MACF1: variants seen among roughly 807,000 people sequenced by gnomAD.
The protein encoded by MACF1 is microtubule actin crosslinking factor 1.
In MACF1, 193 loss-of-function variants were observed where a neutral mutation model predicts 854.8. The observed-to-expected ratio is 0.23, with a 90% CI of 0.20 to 0.25. MACF1 has a LOEUF of 0.25. Ranked by LOEUF, MACF1 falls within the 10% of genes least tolerant of loss-of-function variation. The probability of loss-of-function intolerance (pLI) is 1.00; values close to 1 mark genes in which losing one functional copy is unlikely to be tolerated. For missense variants in MACF1, 7,722 were observed against 8,929.1 expected, an observed-to-expected ratio of 0.86 and a Z score of 5.45; for synonymous variants, 3,185 against 3,226.7, an observed-to-expected ratio of 0.99 and a Z score of 0.44.
chr1:39,187,945 T>G, intron 2 of MACF1, among the ~76,000 whole-genome samples: 1 of 119,224 alleles, frequency 8.4e-6, no homozygotes, highest in South Asian at 3.7e-4. Flanking sequence ...TCCCTTCCCT[T>G]CCCTTCCCTT....
At chr1:39,228,508 A>G (rs1471123746) in intron 1 of MACF1, among the ~76,000 whole-genome samples, 1 of 152,198 alleles carries the variant, frequency 6.6e-6, no homozygotes, top group African/African-American at 2.4e-5. Context: ...GGAAAGGTTG[A>G]TGAAGATGTT....
chr1:39,448,036 C>T lies in MACF1; in HGVS notation c.19972C>T (p.His6658Tyr). 6.2e-7 allele frequency: 1 copy of T among 1,613,892 alleles called. No homozygotes were observed. The change falls in exon 83 of 101, where the codon CAT becomes TAT. Residue 6658 changes from histidine (H) to tyrosine (Y), a missense_variant. By Grantham distance (83) the His-to-Tyr change is moderately conservative (BLOSUM62 2). This residue lies in a region of MACF1 where 729 missense variants were observed against 900.5 expected (regional missense o/e 0.81). Coordinates refer to ENST00000564288, the MANE Select transcript of MACF1 (RefSeq NM_001394062.1). ...DDARKRAKQF[H>Y]EAWKKLIDWL... ...CTTATTTCTTATGTAATTTTAGTTC[C>T]ATGAAGCTTGGAAAAAACTGATTGA...
Position 39,448,242 on chromosome 1 carries a change from GAA to G in MACF1, c.20088+93_20088+94del, listed in dbSNP as rs1644266864. The G allele has an allele frequency of 2.1e-6, 3 of 1,419,774 alleles. No homozygotes were observed. In the South Asian group the frequency reaches 4.2e-5, roughly 20 times the overall value. 87.9% of individuals were successfully genotyped at this position (1,419,774 alleles called of 1,614,324 possible). On this transcript the variant is annotated intron_variant, in intron 83 of 100. Coordinates refer to ENST00000564288, the MANE Select transcript of MACF1 (RefSeq NM_001394062.1). ...AAATAAAAATCAGAGCTAGTAAAAA[GAA>G]AACCAATTGGTTAATGTTTAAAAGT...
intron 40 of MACF1, among the ~76,000 whole-genome samples, chr1:39,342,511 GTTAT>G (rs1646956049): frequency 6.7e-6 from 1 of 149,776 alleles, no homozygotes; most frequent in African/African-American, 2.5e-5. Context: ...TTTTTGATTG[GTTAT>G]TTACAGCATG....
Position 39,340,551 on chromosome 1 carries a change from T to C in MACF1, c.10265T>C (p.Leu3422Pro). 1 of 1,614,066 alleles carries C rather than the reference T, an allele frequency of 6.2e-7. No individual in the cohort carries two copies. Among genetic ancestry groups the C allele is most frequent in the Non-Finnish European group, 8.5e-7 (1 of 1,180,010 alleles). ...KDLTTLVSQELECVNQIIISQ... is the reference protein window; with the variant it reads ...KDLTTLVSQEPECVNQIIISQ... ...CTGACCACCTTGGTCAGTCAGGAGC[T>C]GGAGTGTGTGAATCAGATTATCATC... Residue 3422 changes from leucine (L) to proline (P), a missense_variant, in exon 39 of 101, where the codon CTG becomes CCG. Physicochemically the swap from Leu to Pro is moderately conservative, Grantham distance 98. This residue lies in a region of MACF1 where 854 missense variants were observed against 852.6 expected (regional missense o/e 1.00). Transcript: ENST00000564288.
At chr1:39,207,210 A>G (rs1489733920) in intron 1 of MACF1, among the ~76,000 whole-genome samples, 2 of 150,530 alleles carry the variant, frequency 1.3e-5, no homozygotes, top group Non-Finnish European at 3.0e-5. Flanking sequence ...CTTTTGTCTC[A>G]CTTTTCTATT....
At chr1:39,459,354 T>C in intron 91 of MACF1, 105 bp downstream of exon 91, 1 of 1,245,850 alleles carries the variant, frequency 8.0e-7, no homozygotes, top group Non-Finnish European at 1.1e-6. Flanking sequence ...TTAATTTACT[T>C]TTTCACAATA....
At chr1:39,183,434 C>G (rs1202391953) in intron 2 of MACF1, among the ~76,000 whole-genome samples, 1 of 152,034 alleles carries the variant, frequency 6.6e-6, no homozygotes, top group Admixed American at 6.6e-5. Flanking sequence ...GTATTGGGCC[C>G]CTTATTGCTG....
At chr1:39,368,063 G>T in intron 49 of MACF1, 85 bp from the exon 50 acceptor site, 1 of 1,061,360 alleles carries the variant, frequency 9.4e-7, no homozygotes, top group Non-Finnish European at 1.4e-6. Context: ...ATTTGACCTG[G>T]CAAGCATACC....
In MACF1 at chr1:39,460,729, G is replaced by T; in HGVS notation, c.21458G>T (p.Arg7153Leu). The change falls in exon 92 of 101, where the codon CGC becomes CTC. Residue 7153 changes from arginine (R) to leucine (L), a missense_variant. Physicochemically the swap from Arg to Leu is moderately radical, Grantham distance 102 (BLOSUM62 -2). Around this residue, in one of 15 missense-constraint regions of MACF1, gnomAD observed 153 missense variants for 342.5 expected, o/e 0.45. Transcript: ENST00000564288. This position sits in a 1 kb window ranked among gnomAD's most constrained non-coding sequence, Gnocchi z 4.1. Reference protein sequence around the residue: ...KKSRVMDFFRRIDKDQDGKIT... With the variant: ...KKSRVMDFFRLIDKDQDGKIT... Reference sequence around the variant, plus strand: ...TCTCGAGTGATGGATTTCTTCCGGCGCATTGATAAGGACCAGGATGGGAAG... The same window carrying T: ...TCTCGAGTGATGGATTTCTTCCGGCTCATTGATAAGGACCAGGATGGGAAG... 1 of 1,614,170 alleles carries T rather than the reference G, an allele frequency of 6.2e-7. No individual in the cohort carries two copies. Among genetic ancestry groups the T allele is most frequent in the Non-Finnish European group, 8.5e-7 (1 of 1,180,012 alleles).
intron 11 of MACF1, 126 bp downstream of exon 11, chr1:39,284,554 A>T: frequency 1.9e-6 from 1 of 516,624 alleles, no homozygotes; most frequent in Non-Finnish European, 3.3e-6. Context: ...CTGGTGACAA[A>T]TAATAGCACC....
chr1:39,113,824 T>C (rs1642475068), intron 2 of MACF1, among the ~76,000 whole-genome samples: 1 of 152,024 alleles, frequency 6.6e-6, no homozygotes, highest in South Asian at 2.1e-4. Context: ...TCACCTGAGG[T>C]CAGAAGTTTG....
chr1:39,281,564 C>G (rs1477579714), intron 6 of MACF1, among the ~76,000 whole-genome samples: 2 of 152,050 alleles, frequency 1.3e-5, no homozygotes, highest in East Asian at 3.9e-4. Flanking sequence ...GATCATACTT[C>G]ACTGCAGTCT....
At chr1:39,307,277 T>C (rs1162372003) in intron 23 of MACF1, among the ~76,000 whole-genome samples, 3 of 141,532 alleles carry the variant, frequency 2.1e-5, no homozygotes, top group Non-Finnish European at 3.0e-5. Flanking sequence ...TCTTTCTCTT[T>C]TTTTTTTTTT....
At chr1:39,181,389 A>T (rs938362211) in intron 2 of MACF1, among the ~76,000 whole-genome samples, 3 of 152,162 alleles carry the variant, frequency 2.0e-5, no homozygotes, top group Non-Finnish European at 4.4e-5. Context: ...AAGACTTAAT[A>T]TTGTTAAGAT....
At chr1:39,115,027 AGAGAT>A (rs964910798) in intron 2 of MACF1, among the ~76,000 whole-genome samples, 4 of 152,122 alleles carry the variant, frequency 2.6e-5, no homozygotes, top group African/African-American at 4.8e-5. Context: ...TGAGGGAAGG[AGAGAT>A]GAGATGAGAT....
chr1:39,178,815 G>A (rs917319825), intron 2 of MACF1, among the ~76,000 whole-genome samples: 24 of 152,190 alleles, frequency 1.6e-4, no homozygotes, highest in Non-Finnish European at 2.9e-5. Context: ...GAGATCAGGT[G>A]GCTTGTGATC....
Position 39,379,200 on chromosome 1 carries a change from T to C in MACF1, c.13277-3T>C, listed in dbSNP as rs757233780. 4 of 1,587,090 alleles carry C rather than the reference T, an allele frequency of 2.5e-6. No individual in the cohort carries two copies. Among genetic ancestry groups the C allele is most frequent in the Non-Finnish European group, 8.6e-7 (1 of 1,166,976 alleles). ...AATCTGATTTCTGTTTCTATGATACTAGATCTGACGGAGATCCAGTGTGAC... is the reference window on the plus strand; with the variant it reads ...AATCTGATTTCTGTTTCTATGATACCAGATCTGACGGAGATCCAGTGTGAC... On this transcript the variant is annotated splice_polypyrimidine_tract_variant and splice_region_variant and intron_variant, in intron 53 of 100. Coordinates refer to ENST00000564288, the MANE Select transcript of MACF1 (RefSeq NM_001394062.1).
At chr1:39,184,635 G>A (rs1421295290) in intron 2 of MACF1, among the ~76,000 whole-genome samples, 7 of 152,096 alleles carry the variant, frequency 4.6e-5, no homozygotes, top group African/African-American at 2.4e-5. Context: ...GTCAGGATAA[G>A]TCTTAGTATC....
Sources: allele counts gnomAD v4.1 joint callset (sites outside exome capture counted in the v4.1 genomes callset), GRCh38; gene constraint gnomAD v4.1.1; regional missense constraint gnomAD v4.1.1; non-coding constraint Gnocchi (gnomAD v3.1); transcripts MANE v1.5; gene names NCBI Gene and HGNC (gene_info 2026-07-23, HGNC 2026-07-21).